Variants in KCP observed in about 807,000 individuals in gnomAD.
KCP encodes the protein kielin/chordin-like protein.
In KCP, 194 loss-of-function variants were observed where a neutral mutation model predicts 212.7. The observed-to-expected ratio is 0.91, with a 90% confidence interval of 0.81 to 1.03. KCP has a LOEUF of 1.03. Among genes scored for constraint, KCP ranks in the 50% least tolerant of loss-of-function variants. The probability of loss-of-function intolerance (pLI) is 0.00; values close to 1 mark genes in which losing one functional copy is unlikely to be tolerated. For synonymous variants in KCP, 833 were observed against 865.3 expected (o/e 0.96, Z 0.65); for missense variants, 2,080 against 2,162.5 (o/e 0.96, Z 0.76).
chr7:128,902,725 G>C, intron 8 of KCP, 52 bp downstream of exon 8: 1 of 1,457,812 alleles, frequency 6.9e-7, no homozygotes, highest in South Asian at 1.2e-5. Flanking sequence ...AATGAATACA[G>C]TGGGCCTGAG....
rs919468447 is a variant in KCP at position 128,907,354 on chromosome 7, C to T, written c.319G>A (p.Ala107Thr). 3 of 1,542,632 alleles carry T rather than the reference C, an allele frequency of 1.9e-6. No individual in the cohort carries two copies. Among genetic ancestry groups the T allele is most frequent in the South Asian group, 2.4e-5 (2 of 83,792 alleles). The change falls in exon 3 of 40, where the codon GCA (alanine) becomes ACA (threonine). Residue 107 changes from alanine to threonine, a missense_variant. Transcript: ENST00000610776. ...GTGCAGGCGTCAGGCTCCCAGCGTG[C>T]CCCCTCGGGCCAGGCACGCCCCAGC... Reference protein sequence around the residue: ...WGLGRAWPEGARWEPDACTAC... With the variant: ...WGLGRAWPEGTRWEPDACTAC...
intron 29 of KCP, 125 bp from the exon 30 acceptor site, chr7:128,882,141 C>G (rs1793371476): frequency 3.1e-6 from 2 of 646,830 alleles, no homozygotes; most frequent in South Asian, 3.8e-5. Flanking sequence ...CATATCCCAG[C>G]ACCTTGACTC....
At position 128,894,234 on chromosome 7, in the gene KCP, C is replaced by A. The variant is rs1295485643; in HGVS notation, c.891G>T (p.Arg297=). The change falls in exon 9 of 40, where the codon CGG becomes CGT. Residue 297 remains arginine, a synonymous_variant. Coordinates refer to ENST00000610776, the MANE Select transcript of KCP (RefSeq NM_001366122.1). ...CAGGGCAGCAGGTGCCTGGGAGGGG[C>A]CGGGCTGGGTATGGACACAGGCTGG... is the stretch of plus-strand genomic sequence containing the variant. The part of the protein sequence containing the change: ...ECASLCPYPA[R]PLPGTCCPVC... The A allele has an allele frequency of 6.5e-7, 1 of 1,540,524 alleles. No homozygotes were observed. The highest frequency in any genetic ancestry group is 2.5e-5 in the East Asian group (1 of 40,644).
At chr7:128,889,920 CTTTTTTTTTTTTT>C (rs35633844) in intron 21 of KCP, 3 of 99,574 alleles carry the variant, frequency 3.0e-5, no homozygotes, top group Admixed American at 1.1e-4. Context: ...TAGTGTCAGG[CTTTTTTTTTTTTT>C]TTTTTTTTTT....
chr7:128,909,588 T>C (rs1795323942), intron 1 of KCP, among the ~76,000 whole-genome samples: 1 of 151,380 alleles, frequency 6.6e-6, no homozygotes, highest in South Asian at 2.1e-4. Context: ...CCCTAATACA[T>C]CCCCCCCTTC....
At chr7:128,884,218 CCTCTTCCGGGACATGTCTTGGG>C in intron 28 of KCP, 96 bp from the exon 29 acceptor site, 1 of 1,433,112 alleles carries the variant, frequency 7.0e-7, no homozygotes, top group Non-Finnish European at 9.2e-7. Flanking sequence ...CCTGCTGCAG[CCTCTTCCGGGACATGTCTTGGG>C]CCCTGAACTC....
At position 128,885,099 on chromosome 7, in the gene KCP, G is replaced by C; in HGVS notation, c.3038C>G (p.Ser1013Cys). The change falls in exon 27 of 40, where the codon TCT becomes TGT. Residue 1013 changes from serine (S) to cysteine (C), a missense_variant and splice_region_variant. Ser to Cys is a moderately radical substitution (Grantham distance 112). Coordinates refer to ENST00000610776, the MANE Select transcript of KCP (RefSeq NM_001366122.1). ...CTCCCGCCCCAGGCTTCCAGTACCA[G>C]AGCATTGAGGACAGCAGTCATGGGG... ...QGPHDCCPQC[S>C]DCEHEGRKYE... 6.4e-7 allele frequency: 1 copy of C among 1,550,770 alleles called. No individual in the cohort carries two copies. The highest frequency in any genetic ancestry group is 8.7e-7 in the Non-Finnish European group (1 of 1,146,998).
chr7:128,906,265 G>A lies in KCP; in HGVS notation c.571+14C>T. The A allele has an allele frequency of 6.5e-7, 1 of 1,545,578 alleles. No individual in the cohort carries two copies. Among genetic ancestry groups the A allele is most frequent in the Non-Finnish European group, 8.8e-7 (1 of 1,141,574 alleles). On this transcript the variant is annotated intron_variant, in intron 5 of 39. Transcript: ENST00000610776. ...GCAAGCAGGAGGTGGGGCTGAGACT[G>A]GCAGGAGGCTGACCTGGCTTACAGT...
Position 128,877,587 on chromosome 7 carries a change from A to C in KCP, c.4515T>G (p.Pro1505=). The change falls in exon 39 of 40, where the codon CCT becomes CCG. Residue 1505 remains proline, a synonymous_variant. Coordinates refer to ENST00000610776, the MANE Select transcript of KCP (RefSeq NM_001366122.1). ...AGAGGCAGGCATCAGCGGAGGAGCC[A>C]GGGCCACAGGCACACAGGTCATACA... The part of the protein sequence containing the change: ...ACVYDLCACG[P]GSSADACLCD... The C allele has an allele frequency of 6.4e-7, 1 of 1,551,644 alleles. No individual in the cohort carries two copies.
chr7:128,909,492 T>C (rs113069400), intron 1 of KCP, among the ~76,000 whole-genome samples: 2 of 152,348 alleles, frequency 1.3e-5, no homozygotes, highest in African/African-American at 4.8e-5. Context: ...CCAAGTTCCC[T>C]GGCTTGGTTA....
Position 128,879,539 on chromosome 7 carries a change from C to A in KCP, c.4129G>T (p.Ala1377Ser), listed in dbSNP as rs568886466. 3 of 1,549,852 alleles carry A rather than the reference C, an allele frequency of 1.9e-6. No homozygotes were observed. Among genetic ancestry groups the A allele is most frequent in the Admixed American group, 2.0e-5 (1 of 50,988 alleles). The change falls in exon 37 of 40, where the codon GCC becomes TCC. Residue 1377 changes from alanine (A) to serine (S), a missense_variant. Physicochemically the swap from Ala to Ser is moderately conservative, Grantham distance 99 (BLOSUM62 1). Transcript: ENST00000610776. ...AGCCGCACCTGGAGCCCGGGCTGGG[C>A]GTGCAGGATCACAGTGTGTCCTCGC... ...ELRGHTVILH[A>S]QPGLQVLWDG...
chr7:128,884,398 C>A (rs144868666), intron 28 of KCP, among the ~76,000 whole-genome samples: 176 of 152,342 alleles, frequency 1.2e-3, no homozygotes, highest in Non-Finnish European at 2.1e-3. Context: ...CCATCCTCCT[C>A]CCCAGGCCCA....
chr7:128,886,954 G>T lies in KCP; in HGVS notation c.2611C>A (p.Arg871Ser). Residue 871 changes from arginine (R) to serine (S), a missense_variant, in exon 24 of 40, where the codon CGC becomes AGC. Coordinates refer to ENST00000610776, the MANE Select transcript of KCP (RefSeq NM_001366122.1). ...SLCTCQEGSM[R>S]CQKKPCPPAL... The stretch of plus-strand genomic sequence containing the variant: ...GGGGGACATGGCTTCTTCTGGCAGC[G>T]CATGGAACCTTCCTGGGGGAGAGAG... 2 of 1,515,972 alleles carry T rather than the reference G, an allele frequency of 1.3e-6. No individual in the cohort carries two copies. Among genetic ancestry groups the T allele is most frequent in the Non-Finnish European group, 1.8e-6 (2 of 1,118,824 alleles). 93.9% of individuals were successfully genotyped at this position (1,515,972 alleles called of 1,614,324 possible).
intron 2 of KCP, among the ~76,000 whole-genome samples, chr7:128,908,041 A>T (rs1795212245): frequency 6.6e-6 from 1 of 151,564 alleles, no homozygotes; most frequent in Admixed American, 6.6e-5. Flanking sequence ...AAGCGTAAGA[A>T]TCACTTGAAC....
intron 8 of KCP, among the ~76,000 whole-genome samples, chr7:128,901,450 C>T (rs1030190885): frequency 6.6e-6 from 1 of 152,038 alleles, no homozygotes; most frequent in Non-Finnish European, 1.5e-5. Flanking sequence ...CACAGTGAAA[C>T]CCTGTCTCTA....
chr7:128,887,042 AG>A, intron 23 of KCP, 76 bp from the exon 24 acceptor site: 1 of 1,019,868 alleles, frequency 9.8e-7, no homozygotes, highest in Non-Finnish European at 1.5e-6. Flanking sequence ...CTGAGCCTGC[AG>A]GGGCCCAAAC....
At position 128,891,821 on chromosome 7, in the gene KCP, T is replaced by G. The variant is rs1794165125; in HGVS notation, c.1622-2A>C. Reference sequence around the variant, plus strand: ...ACACCTCTTCCTCCAGGATGCAGTCTGGGCAGTGGATGGTGGGGGCAGGTA... The same window carrying G: ...ACACCTCTTCCTCCAGGATGCAGTCGGGGCAGTGGATGGTGGGGGCAGGTA... On this transcript the variant is annotated splice_acceptor_variant, in intron 16 of 39. Coordinates refer to ENST00000610776, the MANE Select transcript of KCP (RefSeq NM_001366122.1). LOFTEE classifies it high-confidence loss of function. 3 of 1,442,998 alleles carry G rather than the reference T, an allele frequency of 2.1e-6. No homozygotes were observed. The highest frequency in any genetic ancestry group is 2.7e-6 in the Non-Finnish European group (3 of 1,095,752). 89.4% of individuals were successfully genotyped at this position (1,442,998 alleles called of 1,614,324 possible). A position where few individuals can be genotyped will look rare whatever the true frequency, so the allele number is the denominator to read the frequency against.
chr7:128,882,752 T>C (rs1321659651), intron 29 of KCP, among the ~76,000 whole-genome samples: 4 of 133,370 alleles, frequency 3.0e-5, no homozygotes, highest in African/African-American at 1.0e-4. Context: ...CTTACCACCA[T>C]AAAAAACAAA....
rs1019311288 is a variant in KCP, at chr7:128,893,255, C to T, written c.1250G>A (p.Gly417Asp). 4 of 1,551,296 alleles carry T rather than the reference C, an allele frequency of 2.6e-6. No individual in the cohort carries two copies. The highest frequency in any genetic ancestry group is 2.0e-5 in the Admixed American group (1 of 50,998). Reference sequence around the variant, plus strand: ...ACACACACCTGGGCAGAGCTGGCGGCCAGAGGCAGGCAGGGCACAGGGGGT... The same window carrying T: ...ACACACACCTGGGCAGAGCTGGCGGTCAGAGGCAGGCAGGGCACAGGGGGT... The part of the protein sequence containing the change: ...PVTPCALPAS[G>D]RQLCPACELD... Residue 417 changes from glycine (G) to aspartate (D), a missense_variant, in exon 13 of 40, where the codon GGC becomes GAC. Physicochemically the swap from Gly to Asp is moderately conservative, Grantham distance 94. Coordinates refer to ENST00000610776, the MANE Select transcript of KCP (RefSeq NM_001366122.1).
Sources: gnomAD v4.1 joint callset for allele counts (sites outside exome capture counted in the v4.1 genomes callset) on GRCh38, gnomAD v4.1.1 for gene constraint, MANE v1.5 for transcripts, NCBI Gene and HGNC (gene_info 2026-07-23, HGNC 2026-07-21) for gene names.